DAB1: variants seen among roughly 807,000 people sequenced by gnomAD.
DAB1 encodes DAB adaptor protein 1, also known as disabled homolog 1.
In DAB1, 15 loss-of-function variants were observed where a neutral mutation model predicts 64.6. That is an observed-to-expected ratio of 0.23 (90% CI 0.16 to 0.36). The LOEUF is 0.36. Among genes scored for constraint, DAB1 ranks in the 10% least tolerant of loss-of-function variants. The pLI is 1.00. For synonymous variants in DAB1, 235 were observed against 251.9 expected (o/e 0.93, Z 0.64); for missense variants, 596 against 706.7 (o/e 0.84, Z 1.78).
At chr1:57,758,407 G>C (rs1020184033) in intron 6 of DAB1, among the ~76,000 whole-genome samples, 4 of 152,190 alleles carry the variant, frequency 2.6e-5, no homozygotes, top group African/African-American at 7.2e-5. Context: ...TTGGGGAAAA[G>C]AAGTAGTGAA....
At chr1:58,332,026 T>C (rs934923576) in intron 4 of DAB1, among the ~76,000 whole-genome samples, 42 of 152,330 alleles carry the variant, frequency 2.8e-4, no homozygotes, top group African/African-American at 9.6e-4. Context: ...TCTATATTCA[T>C]GGTCTGAACT....
At chr1:57,823,614 T>C (rs1002358129), downstream of DAB1, among the ~76,000 whole-genome samples, 1 of 152,140 alleles carries the variant, frequency 6.6e-6, no homozygotes, top group African/African-American at 2.4e-5. Context: ...CATTTTTGTA[T>C]CTCCAGCACC....
chr1:58,195,265 A>T (rs1657612002), intron 4 of DAB1, among the ~76,000 whole-genome samples: 1 of 152,206 alleles, frequency 6.6e-6, no homozygotes, highest in Non-Finnish European at 1.5e-5. Context: ...ATGCAACGAG[A>T]GATACTTCGA....
chr1:58,258,400 G>A (rs1422291313), intron 4 of DAB1, among the ~76,000 whole-genome samples: 2 of 152,254 alleles, frequency 1.3e-5, no homozygotes, highest in Non-Finnish European at 1.5e-5. Flanking sequence ...CTAGCTGGGA[G>A]CTTCCTGGAA....
At chr1:57,198,175 G>T (rs1038293017) in intron 2 of DAB1, among the ~76,000 whole-genome samples, 1 of 152,124 alleles carries the variant, frequency 6.6e-6, no homozygotes, top group Non-Finnish European at 1.5e-5. Flanking sequence ...CTTCTAGCAG[G>T]CTTGGGTTTG....
intron 6 of DAB1, among the ~76,000 whole-genome samples, chr1:57,731,430 G>A (rs1647409771): frequency 6.6e-6 from 1 of 152,044 alleles, no homozygotes; most frequent in African/African-American, 2.4e-5. Flanking sequence ...GAATTCTACA[G>A]AACTGTATAA....
At chr1:57,042,329 G>A (rs1368247719) in intron 9 of DAB1, among the ~76,000 whole-genome samples, 1 of 152,154 alleles carries the variant, frequency 6.6e-6, no homozygotes, top group Non-Finnish European at 1.5e-5. Context: ...AAGTCTGTAG[G>A]TATATTCTTT....
intron 6 of DAB1, among the ~76,000 whole-genome samples, chr1:57,717,798 T>C (rs761844460): frequency 6.6e-6 from 1 of 152,134 alleles, no homozygotes; most frequent in African/African-American, 2.4e-5. Context: ...AAAAATAACA[T>C]TCTGTCATTT....
chr1:57,914,830 C>G (rs1258278343), intron 5 of DAB1, among the ~76,000 whole-genome samples: 2 of 152,164 alleles, frequency 1.3e-5, no homozygotes, highest in Non-Finnish European at 2.9e-5. Context: ...AAAGTATGGT[C>G]TATGAACTGC....
intron 5 of DAB1, among the ~76,000 whole-genome samples, chr1:58,086,811 A>G (rs1473204413): frequency 2.0e-5 from 3 of 151,608 alleles, no homozygotes; most frequent in East Asian, 2.0e-4. Context: ...GCAAACCCCT[A>G]TTCACTCTTT....
At chr1:57,532,865 T>G (rs966514245) in intron 7 of DAB1, among the ~76,000 whole-genome samples, 6 of 152,220 alleles carry the variant, frequency 3.9e-5, no homozygotes, top group Non-Finnish European at 8.8e-5. Context: ...ATTAAATGCT[T>G]ACTATGTACC....
At chr1:57,860,856 T>A (rs1653985443) in intron 1 of DAB1, 1 of 152,192 alleles carries the variant, frequency 6.6e-6, no homozygotes, top group African/African-American at 2.4e-5. Flanking sequence ...AGGAAAGACC[T>A]ATTCCAACTG....
At position 58,531,490 on chromosome 1, in the gene DAB1, G is replaced by A. The variant is rs866310056; in HGVS notation, n.33-4155C>T. ...TAATGAACTAGATTGTTCATGGTTT[G>A]CCATTAAAGGTGATTAGTAAATGTT... On this transcript the variant is annotated intron_variant and non_coding_transcript_variant, in intron 1 of 20. Coordinates refer to the DAB1 transcript ENST00000485760. Among the ~76,000 whole-genome samples, 6 of 152,220 alleles carry A rather than the reference G, an allele frequency of 3.9e-5. No homozygotes were observed. In the Middle Eastern group the frequency reaches 0.01, roughly 259 times the overall value.
At chr1:57,245,427 C>G (rs1558014237) in intron 2 of DAB1, among the ~76,000 whole-genome samples, 1 of 152,072 alleles carries the variant, frequency 6.6e-6, no homozygotes, top group South Asian at 2.1e-4. Context: ...GCTATCCCTC[C>G]CCCAGGCCCC....
intron 5 of DAB1, among the ~76,000 whole-genome samples, chr1:58,060,866 A>G (rs1255666696): frequency 6.6e-6 from 1 of 152,236 alleles, no homozygotes; most frequent in East Asian, 1.9e-4. Context: ...ACAACGTGGA[A>G]CATCTGGTTC....
intron 11 of DAB1, among the ~76,000 whole-genome samples, chr1:57,017,634 A>T (rs1450384798): frequency 6.6e-6 from 1 of 152,194 alleles, no homozygotes; most frequent in African/African-American, 2.4e-5. Flanking sequence ...TTGCTGATTA[A>T]TCTCGCAGTG....
At chr1:58,537,250 A>ATT (rs1646532648) in intron 1 of DAB1, among the ~76,000 whole-genome samples, 1 of 152,148 alleles carries the variant, frequency 6.6e-6, no homozygotes, top group Non-Finnish European at 1.5e-5. Flanking sequence ...AATAGGGATA[A>ATT]ATGCCTAAAT....
At chr1:58,076,963 A>T (rs956664672) in intron 5 of DAB1, among the ~76,000 whole-genome samples, 1 of 151,926 alleles carries the variant, frequency 6.6e-6, no homozygotes, top group East Asian at 1.9e-4. Context: ...TTTCTAGACC[A>T]TTTTTCTAAG....
chr1:58,055,882 G>GTTATTATTATTATTATTATTATTA (rs71246205), intron 5 of DAB1, among the ~76,000 whole-genome samples: 27 of 147,700 alleles, frequency 1.8e-4, no homozygotes, highest in Admixed American at 2.7e-4. Flanking sequence ...ATCACACCGA[G>GTTATTATTATTATTATTATTATTA]TTATTATTAT....
Sources: allele counts gnomAD v4.1 joint callset (sites outside exome capture counted in the v4.1 genomes callset), GRCh38; gene constraint gnomAD v4.1.1; transcripts MANE v1.5; gene names NCBI Gene and HGNC (gene_info 2026-07-23, HGNC 2026-07-21).